The following MARVELD2 variants were observed in gnomAD, a reference collection of about 807,000 sequenced individuals.
MARVELD2 encodes the protein MARVEL domain-containing protein 2.
In MARVELD2, 49 loss-of-function variants were observed where a neutral mutation model predicts 57.6. The ratio of observed to expected loss-of-function variants is 0.85; its 90% CI spans 0.68 to 1.08. The LOEUF (loss-of-function observed/expected upper bound fraction) is 1.08. Among genes scored for constraint, MARVELD2 ranks in the 50% least tolerant of loss-of-function variants. The probability of loss-of-function intolerance (pLI) is 0.00; values close to 1 mark genes in which losing one functional copy is unlikely to be tolerated. For missense variants in MARVELD2, 606 were observed against 701.1 expected (o/e 0.86, Z 1.53); for synonymous variants, 238 against 258.8 (o/e 0.92, Z 0.77).
intron 6 of MARVELD2, 60 bp downstream of exon 6, chr5:69,440,560 C>T: frequency 1.0e-6 from 1 of 982,740 alleles, no homozygotes; most frequent in East Asian, 2.4e-5. Context: ...TGATAATTTA[C>T]AGACTCTAGA....
At chr5:69,417,967 G>T (rs1487315937) in intron 1 of MARVELD2, among the ~76,000 whole-genome samples, 1 of 151,852 alleles carries the variant, frequency 6.6e-6, no homozygotes, top group East Asian at 1.9e-4. Flanking sequence ...AATTAGCTGG[G>T]TATGGTGGCA....
chr5:69,431,830 CTT>C (rs904263527), intron 3 of MARVELD2, among the ~76,000 whole-genome samples: 3 of 97,846 alleles, frequency 3.1e-5, no homozygotes, highest in African/African-American at 8.4e-5. Context: ...TCTTCTTCTT[CTT>C]TTTTTTTTTT....
At chr5:69,437,398 A>T (rs1188412723) in intron 5 of MARVELD2, among the ~76,000 whole-genome samples, 3 of 148,582 alleles carry the variant, frequency 2.0e-5, no homozygotes, top group Non-Finnish European at 4.5e-5. Context: ...AAAAAAAAAA[A>T]AAAAAGCTGG....
chr5:69,422,332 C>T lies in MARVELD2; in HGVS notation c.1146+1801C>T, dbSNP rs112757620. Among the ~76,000 whole-genome samples, 320 of 152,278 alleles carry T rather than the reference C, an allele frequency of 2.1e-3. 4 individuals carry two copies. Among genetic ancestry groups the T allele is most frequent in the African/African-American group, 7.1e-3 (297 of 41,556 alleles). The stretch of plus-strand genomic sequence containing the variant: ...TTTCAAAAGCAAATAGGAGAAATAT[C>T]GCTGAATTCTTTTTCTCAGCAAGGA... On this transcript the variant is annotated intron_variant, in intron 2 of 6. Coordinates refer to ENST00000325631, the MANE Select transcript of MARVELD2 (RefSeq NM_001038603.3).
chr5:69,443,200 C>CTTT lies in MARVELD2; in HGVS notation c.*1559_*1561dup, dbSNP rs35672884. On this transcript the variant is annotated 3_prime_UTR_variant, in exon 7 of 7. Coordinates refer to ENST00000325631, the MANE Select transcript of MARVELD2 (RefSeq NM_001038603.3). ...AATGTAGCATTTCCTTGGAAACTCC[C>CTTT]TTTTTTTTTTTTTTTGAGATGGAGT... 8.0e-5 allele frequency: 11 copies of CTTT among 137,238 alleles called. No homozygotes were observed. The highest frequency in any genetic ancestry group is 2.1e-4 in the East Asian group (1 of 4,666). The allele number at this position is 137,238 out of a possible 1,614,324, so 8.5% of individuals were successfully genotyped here. A position where few individuals can be genotyped will look rare whatever the true frequency, so the allele number is the denominator to read the frequency against.
intron 2 of MARVELD2, among the ~76,000 whole-genome samples, chr5:69,423,559 G>GA (rs1401709268): frequency 1.3e-5 from 2 of 151,562 alleles, no homozygotes; most frequent in African/African-American, 4.9e-5. Context: ...GTGCTTGATG[G>GA]AAAAAAATAG....
rs1767392810 is a variant in MARVELD2 at position 69,443,876 on chromosome 5, G to T, written c.*2222G>T. 6.6e-6 allele frequency: 1 copy of T among 151,852 alleles called. No individual in the cohort carries two copies. The highest frequency in any genetic ancestry group is 2.4e-5 in the African/African-American group (1 of 41,362). The allele number at this position is 151,852 out of a possible 1,614,324, so 9.4% of individuals were successfully genotyped here. A position where few individuals can be genotyped will look rare whatever the true frequency, so the allele number is the denominator to read the frequency against. On this transcript the variant is annotated 3_prime_UTR_variant, in exon 7 of 7. Coordinates refer to ENST00000325631, the MANE Select transcript of MARVELD2 (RefSeq NM_001038603.3). ...TTAATTCCATGGCTTTGTAGGCTGT[G>T]CTGTGTCTGAAGGGGTAACACCTAG...
At chr5:69,437,700 G>C (rs1434433217) in intron 5 of MARVELD2, among the ~76,000 whole-genome samples, 2 of 147,330 alleles carry the variant, frequency 1.4e-5, no homozygotes, top group African/African-American at 2.7e-5. Context: ...AAAAAACAAA[G>C]AAAATCTTGA....
intron 3 of MARVELD2, among the ~76,000 whole-genome samples, chr5:69,428,065 C>T (rs1356707634): frequency 2.6e-5 from 4 of 151,506 alleles, no homozygotes; most frequent in Non-Finnish European, 5.9e-5. Flanking sequence ...GAGCAAAGAT[C>T]GTGCCACTGC....
At chr5:69,418,648 CTT>C (rs766283198) in intron 1 of MARVELD2, among the ~76,000 whole-genome samples, 1 of 152,096 alleles carries the variant, frequency 6.6e-6, no homozygotes, top group African/African-American at 2.4e-5. Context: ...TCTAAAATGA[CTT>C]TGTTGATTTA....
chr5:69,432,757 G>A, intron 4 of MARVELD2, 82 bp downstream of exon 4: 1 of 1,594,628 alleles, frequency 6.3e-7, no homozygotes. Context: ...TTGTCTCCAA[G>A]TTAATACTCT....
intron 5 of MARVELD2, among the ~76,000 whole-genome samples, chr5:69,439,054 C>A (rs1329923922): frequency 8.2e-6 from 1 of 121,574 alleles, no homozygotes; most frequent in Non-Finnish European, 1.7e-5. Flanking sequence ...CAGAGCAAGA[C>A]CCTGTCTCAA....
chr5:69,426,320 CATTATT>C (rs61577972), intron 3 of MARVELD2, among the ~76,000 whole-genome samples: 3 of 140,116 alleles, frequency 2.1e-5, no homozygotes, highest in African/African-American at 7.8e-5. Flanking sequence ...AGATACTGGA[CATTATT>C]ATTATTATTA....
At chr5:69,417,822 C>T (rs977270316) in intron 1 of MARVELD2, among the ~76,000 whole-genome samples, 3 of 151,956 alleles carry the variant, frequency 2.0e-5, no homozygotes, top group African/African-American at 7.3e-5. Flanking sequence ...ACCTGTAGTC[C>T]CAGCTACTTG....
intron 1 of MARVELD2, 31 bp from the exon 2 acceptor site, chr5:69,419,340 T>C (rs770225295): frequency 6.2e-7 from 1 of 1,608,126 alleles, no homozygotes; most frequent in African/African-American, 1.3e-5. Context: ...AAGTAACTAA[T>C]CATAAGTGAT....
At chr5:69,437,015 C>A (rs1011170464) in intron 5 of MARVELD2, among the ~76,000 whole-genome samples, 1 of 151,398 alleles carries the variant, frequency 6.6e-6, no homozygotes, top group Admixed American at 6.6e-5. Context: ...AAGGTGAAAC[C>A]GCGTCTCTAC....
At position 69,442,826 on chromosome 5, in the gene MARVELD2, CTT is replaced by C. The variant is rs11361474; in HGVS notation, c.*1189_*1190del. 15 of 126,096 alleles carry C rather than the reference CTT, an allele frequency of 1.2e-4. No homozygotes were observed. Among genetic ancestry groups the C allele is most frequent in the Admixed American group, 4.3e-4 (5 of 11,594 alleles). 7.8% of individuals were successfully genotyped at this position (126,096 alleles called of 1,614,324 possible). A position where few individuals can be genotyped will look rare whatever the true frequency, so the allele number is the denominator to read the frequency against. On this transcript the variant is annotated 3_prime_UTR_variant, in exon 7 of 7. Transcript: ENST00000325631. ...ACATTGAATTGTATGAATGGTATTG[CTT>C]TTTTTTTTTTTTTTTTGTGAGACAG... is the stretch of plus-strand genomic sequence containing the variant.
At chr5:69,436,438 CACACACACACACACAT>C (rs1174592662) in intron 5 of MARVELD2, among the ~76,000 whole-genome samples, 65 of 144,192 alleles carry the variant, frequency 4.5e-4, no homozygotes, top group African/African-American at 1.2e-3. Context: ...CACACACACA[CACACACACACACACAT>C]ATATATAAAT....
At chr5:69,428,923 T>A (rs1226294834) in intron 3 of MARVELD2, among the ~76,000 whole-genome samples, 1 of 152,220 alleles carries the variant, frequency 6.6e-6, no homozygotes, top group Non-Finnish European at 1.5e-5. Flanking sequence ...CTCCCCCTAA[T>A]GTTTAATACC....
Sources: gnomAD v4.1 joint callset for allele counts (sites outside exome capture counted in the v4.1 genomes callset) on GRCh38, gnomAD v4.1.1 for gene constraint, MANE v1.5 for transcripts, NCBI Gene and HGNC (gene_info 2026-07-23, HGNC 2026-07-21) for gene names.